AK8: variants seen among roughly 807,000 people sequenced by gnomAD.
The protein encoded by AK8 is ATP-AMP transphosphorylase 8.
A neutral mutation model predicts 54.6 loss-of-function variants in AK8; 44 were observed. The ratio of observed to expected loss-of-function variants is 0.81; its 90% CI spans 0.63 to 1.04. The LOEUF is 1.04. AK8 is among the 50% of genes least tolerant of loss of function. The probability of loss-of-function intolerance (pLI) is 0.00; values close to 1 mark genes in which losing one functional copy is unlikely to be tolerated. For missense variants in AK8, 555 were observed against 613.6 expected (o/e 0.90, Z 1.01); for synonymous variants, 239 against 245.6 (o/e 0.97, Z 0.25).
rs7027201 is a variant in AK8, at chr9:132,790,179, G to A, written c.1121+2455C>T. 0.12 allele frequency among the ~76,000 whole-genome samples: 17,480 copies of A among 151,302 alleles called. 3,338 individuals carry two copies. Among genetic ancestry groups the A allele is most frequent in the African/African-American group, 0.4 (16,419 of 41,364 alleles). On this transcript the variant is annotated intron_variant, in intron 11 of 12. Coordinates refer to ENST00000298545, the MANE Select transcript of AK8 (RefSeq NM_152572.3). This position sits in a 1 kb window ranked among gnomAD's most constrained non-coding sequence, Gnocchi z 4.1. ...TTTATAATACCAATGTGTCAAAAAG[G>A]AAAAACAATTTTAAAGGATGCTGAA... is the stretch of plus-strand genomic sequence containing the variant.
intron 5 of AK8, among the ~76,000 whole-genome samples, chr9:132,829,956 C>T (rs1178365129): frequency 6.6e-6 from 1 of 152,154 alleles, no homozygotes; most frequent in Non-Finnish European, 1.5e-5. Flanking sequence ...TCACTGGTAA[C>T]ACCTCAGACC....
intron 1 of AK8, among the ~76,000 whole-genome samples, chr9:132,875,688 C>T (rs1157918705): frequency 1.3e-5 from 2 of 152,220 alleles, no homozygotes; most frequent in Non-Finnish European, 2.9e-5. Context: ...CACCTGCCTG[C>T]GGGCATCGCC....
intron 10 of AK8, among the ~76,000 whole-genome samples, chr9:132,810,187 T>C (rs1181205974): frequency 6.6e-6 from 1 of 152,230 alleles, no homozygotes; most frequent in East Asian, 1.9e-4. Context: ...AGATATGATA[T>C]TGGTTGTTGT....
intron 2 of AK8, among the ~76,000 whole-genome samples, chr9:132,871,636 G>A (rs903254607): frequency 3.3e-5 from 5 of 152,188 alleles, no homozygotes; most frequent in Non-Finnish European, 7.3e-5. Flanking sequence ...AGCTAGAGAC[G>A]GCACGAGGCA....
intron 4 of AK8, among the ~76,000 whole-genome samples, chr9:132,858,229 C>T (rs563796135): frequency 4.6e-5 from 7 of 152,368 alleles, no homozygotes; most frequent in South Asian, 2.1e-4. Context: ...GCACCCAGTG[C>T]GGCTTTGGTG....
intron 2 of AK8, among the ~76,000 whole-genome samples, chr9:132,870,495 T>C (rs1406168321): frequency 2.6e-5 from 4 of 152,294 alleles, no homozygotes; most frequent in African/African-American, 9.6e-5. Context: ...TACACAGCTT[T>C]CTTGGACAAA....
rs979983141 is a variant in AK8 at position 132,799,026 on chromosome 9, G to A, written c.980-6251C>T. 2.0e-5 allele frequency among the ~76,000 whole-genome samples: 3 copies of A among 152,182 alleles called. No individual in the cohort carries two copies. The highest frequency in any genetic ancestry group is 4.8e-5 in the African/African-American group (2 of 41,436). ...CAACTGGGCAGCACTGACTCCTCCC[G>A]GGCTGCAGGTCTGGCTTCAGTCACC... On this transcript the variant is annotated intron_variant, in intron 10 of 12. Transcript: ENST00000298545. The surrounding 1 kb of genome is among the most constrained non-coding windows in gnomAD (Gnocchi z 5.0).
At chr9:132,878,457 C>T (rs1844261536), upstream of AK8, 1 of 1,223,316 alleles carries the variant, frequency 8.2e-7, no homozygotes. This position sits in a 1 kb window ranked among gnomAD's most constrained non-coding sequence, Gnocchi z 4.7. Context: ...TCCCCAACCC[C>T]GGCCTCGCTT....
At chr9:132,807,614 G>A (rs1840784013) in intron 10 of AK8, among the ~76,000 whole-genome samples, 1 of 152,170 alleles carries the variant, frequency 6.6e-6, no homozygotes, top group South Asian at 2.1e-4. Context: ...CCGGCAACCT[G>A]GAAGTAGGTT....
At chr9:132,818,438 G>A (rs1841429455) in intron 9 of AK8, among the ~76,000 whole-genome samples, 1 of 152,176 alleles carries the variant, frequency 6.6e-6, no homozygotes, top group Admixed American at 6.5e-5. Flanking sequence ...AAGAAGTAAG[G>A]TAAATGGAAA....
rs116822361 is a variant in AK8 at position 132,732,426 on chromosome 9, G to A, written c.1122-4892C>T. On this transcript the variant is annotated intron_variant, in intron 11 of 12. Coordinates refer to ENST00000298545, the MANE Select transcript of AK8 (RefSeq NM_152572.3). ...GATTATATCTTTCAGGATTATGACC[G>A]GTTCCTGAACTAGTTTGCCCCAGGG... Among the ~76,000 whole-genome samples, 189 of 152,222 alleles carry A rather than the reference G, an allele frequency of 1.2e-3. 2 individuals carry two copies. The highest frequency in any genetic ancestry group is 3.0e-3 in the African/African-American group (123 of 41,512).
Position 132,753,269 on chromosome 9 carries a change from C to T in AK8, c.1122-25735G>A, listed in dbSNP as rs953663512. Among the ~76,000 whole-genome samples, 7 of 152,204 alleles carry T rather than the reference C, an allele frequency of 4.6e-5. No individual in the cohort carries two copies. The East Asian group carries it at 5.8e-4, about 13-fold the overall frequency. The stretch of plus-strand genomic sequence containing the variant: ...CTGGTTCTGGGCTCTCTCATCTTGC[C>T]GCTCCACTGCCAAGAACAACCTCCA... On this transcript the variant is annotated intron_variant, in intron 11 of 12. Transcript: ENST00000298545.
At chr9:132,745,309 G>C (rs1837590192) in intron 11 of AK8, among the ~76,000 whole-genome samples, 1 of 152,192 alleles carries the variant, frequency 6.6e-6, no homozygotes, top group African/African-American at 2.4e-5. Flanking sequence ...GGGAACCGCG[G>C]GCTGCCCAGG....
intron 5 of AK8, among the ~76,000 whole-genome samples, chr9:132,850,372 G>A (rs144697130): frequency 0.1 from 14,207 of 141,944 alleles, 863 homozygotes; most frequent in African/African-American, 0.16. Flanking sequence ...GATTACAGGC[G>A]TGAGCCACTG....
intron 10 of AK8, among the ~76,000 whole-genome samples, chr9:132,801,329 A>C (rs1314589030): frequency 6.6e-6 from 1 of 152,100 alleles, no homozygotes; most frequent in African/African-American, 2.4e-5. Context: ...AATTAGTAAA[A>C]CTTCTCTATT....
intron 4 of AK8, among the ~76,000 whole-genome samples, chr9:132,862,562 C>A (rs1325573325): frequency 1.3e-5 from 2 of 152,096 alleles, no homozygotes; most frequent in Non-Finnish European, 2.9e-5. Flanking sequence ...CTCCTGACTT[C>A]AAGTGATCTG....
At chr9:132,832,312 G>C (rs1375373276) in intron 5 of AK8, among the ~76,000 whole-genome samples, 1 of 152,082 alleles carries the variant, frequency 6.6e-6, no homozygotes, top group Non-Finnish European at 1.5e-5. Flanking sequence ...ATTTTTAACA[G>C]TCTTTTGCTC....
chr9:132,739,183 C>T (rs1157645146), intron 11 of AK8, among the ~76,000 whole-genome samples: 3 of 151,676 alleles, frequency 2.0e-5, no homozygotes, highest in Non-Finnish European at 4.4e-5. Context: ...GGCGTGGTGG[C>T]TCATACCTAT....
chr9:132,829,707 G>C (rs1842030227), intron 5 of AK8, among the ~76,000 whole-genome samples: 1 of 152,028 alleles, frequency 6.6e-6, no homozygotes, highest in Non-Finnish European at 1.5e-5. Context: ...CTAGGGAACT[G>C]GTTTAGAGGT....
Sources: allele counts gnomAD v4.1 joint callset (sites outside exome capture counted in the v4.1 genomes callset), GRCh38; gene constraint gnomAD v4.1.1; non-coding constraint Gnocchi (gnomAD v3.1); transcripts MANE v1.5; gene names NCBI Gene and HGNC (gene_info 2026-07-23, HGNC 2026-07-21).